The following JMJD1C variants were observed in gnomAD, a reference collection of about 807,000 sequenced individuals.
JMJD1C encodes the protein jumonji domain containing 1C.
In JMJD1C, 31 loss-of-function variants were observed where a neutral mutation model predicts 245.3. That is an observed-to-expected ratio of 0.13 (90% CI 0.09 to 0.17). The LOEUF is 0.17. Ranked by LOEUF, JMJD1C falls within the 10% of genes least tolerant of loss-of-function variation. The pLI is 1.00. For missense variants in JMJD1C, 2,691 were observed against 3,000.2 expected (o/e 0.90, Z 2.41); for synonymous variants, 1,057 against 1,017.4 (o/e 1.04, Z -0.74).
chr10:63,176,490 A>C lies in JMJD1C; in HGVS notation c.7225-17T>G. ...TTTTGAAATCTGAAATATGAATTAAAATAGACACTCCAATTTAAGTAAGGA... is the reference window on the plus strand; with the variant it reads ...TTTTGAAATCTGAAATATGAATTAACATAGACACTCCAATTTAAGTAAGGA... On this transcript the variant is annotated splice_polypyrimidine_tract_variant and intron_variant, in intron 23 of 25. Coordinates refer to ENST00000399262, the MANE Select transcript of JMJD1C (RefSeq NM_032776.3). 1.9e-6 allele frequency: 3 copies of C among 1,585,442 alleles called. No individual in the cohort carries two copies. Among genetic ancestry groups the C allele is most frequent in the Non-Finnish European group, 2.6e-6 (3 of 1,157,394 alleles).
At chr10:63,178,513 T>A (rs1843077421) in intron 22 of JMJD1C, among the ~76,000 whole-genome samples, 1 of 152,188 alleles carries the variant, frequency 6.6e-6, no homozygotes, top group Non-Finnish European at 1.5e-5. Context: ...AGTTGGCCCC[T>A]ATACTTACTT....
intron 10 of JMJD1C, 41 bp downstream of exon 10, chr10:63,206,554 C>CT: frequency 6.8e-7 from 1 of 1,474,670 alleles, no homozygotes; most frequent in Middle Eastern, 1.9e-4. Context: ...CTAAAACATT[C>CT]AGCCCATTTT....
intron 2 of JMJD1C, among the ~76,000 whole-genome samples, chr10:63,298,230 C>T (rs887447486): frequency 3.3e-5 from 5 of 152,148 alleles, no homozygotes; most frequent in East Asian, 1.9e-4. Context: ...TAGTGTGAGC[C>T]GAGTTCAGCC....
At chr10:63,420,780 T>C (rs188072887) in intron 1 of JMJD1C, among the ~76,000 whole-genome samples, 22 of 144,056 alleles carry the variant, frequency 1.5e-4, no homozygotes, top group Admixed American at 8.3e-4. Context: ...CTGACAAAAT[T>C]AGAAAGAGAA....
At chr10:63,490,823 A>G (rs1342031730) in intron 1 of JMJD1C, among the ~76,000 whole-genome samples, 5 of 152,210 alleles carry the variant, frequency 3.3e-5, no homozygotes, top group African/African-American at 1.2e-4. Flanking sequence ...TTAATCACCA[A>G]CTTCCAATAT....
chr10:63,367,773 T>G (rs543550400), intron 2 of JMJD1C, among the ~76,000 whole-genome samples: 1 of 152,268 alleles, frequency 6.6e-6, no homozygotes, highest in South Asian at 2.1e-4. Flanking sequence ...ACAAATCTGT[T>G]GGTGAAGTCC....
chr10:63,490,305 T>C (rs749222497), intron 1 of JMJD1C, among the ~76,000 whole-genome samples: 1 of 152,196 alleles, frequency 6.6e-6, no homozygotes, highest in Non-Finnish European at 1.5e-5. Flanking sequence ...CACCTCTTCA[T>C]GAAGCCCTTC....
At chr10:63,284,991 C>T (rs929410671) in intron 2 of JMJD1C, among the ~76,000 whole-genome samples, 70 of 152,042 alleles carry the variant, frequency 4.6e-4, no homozygotes, top group African/African-American at 1.7e-3. Flanking sequence ...GCTTGCACAT[C>T]TTTGGGATTT....
intron 1 of JMJD1C, among the ~76,000 whole-genome samples, chr10:63,441,232 A>C (rs1256685725): frequency 6.6e-6 from 1 of 152,168 alleles, no homozygotes. Flanking sequence ...ACAGTCACTT[A>C]ATTCTGTAAC....
At chr10:63,473,252 AC>A (rs1399713201) in intron 1 of JMJD1C, among the ~76,000 whole-genome samples, 1 of 143,978 alleles carries the variant, frequency 6.9e-6, no homozygotes, top group Non-Finnish European at 1.5e-5. Flanking sequence ...GGTTAAAAAA[AC>A]TTTTTTTTTT....
rs1389088271 is a variant in JMJD1C, at chr10:63,454,435, G to GT, written c.168+11059dup. 2.0e-5 allele frequency among the ~76,000 whole-genome samples: 3 copies of GT among 150,884 alleles called. No individual in the cohort carries two copies. In the East Asian group the frequency reaches 5.9e-4, roughly 30 times the overall value. On this transcript the variant is annotated intron_variant, in intron 1 of 25. Transcript: ENST00000399262. ...ACCACACCCAGCTAATTTTTTTGTT[G>GT]TTTTTTGAAATGGAATCTCACTCTG...
At chr10:63,459,295 G>A (rs1290631924) in intron 1 of JMJD1C, among the ~76,000 whole-genome samples, 1 of 152,144 alleles carries the variant, frequency 6.6e-6, no homozygotes, top group Non-Finnish European at 1.5e-5. Flanking sequence ...TTGAATTTCA[G>A]AATTGCAGAT....
At chr10:63,206,536 T>C in intron 10 of JMJD1C, 59 bp downstream of exon 10, 1 of 1,333,596 alleles carries the variant, frequency 7.5e-7, no homozygotes, top group Non-Finnish European at 1.0e-6. Flanking sequence ...AGCAGCACAC[T>C]AGTATAGCTA....
intron 8 of JMJD1C, among the ~76,000 whole-genome samples, chr10:63,209,581 T>C (rs1847080346): frequency 6.6e-6 from 1 of 152,202 alleles, no homozygotes; most frequent in South Asian, 2.1e-4. Context: ...AGTATATTGC[T>C]AACAGTAAAA....
chr10:63,177,653 T>A (rs1842977516), intron 23 of JMJD1C, 64 bp downstream of exon 23: 1 of 1,527,970 alleles, frequency 6.5e-7, no homozygotes, highest in African/African-American at 1.4e-5. Flanking sequence ...CAAGTGAAGG[T>A]ACGGCAACAA....
At position 63,380,437 on chromosome 10, in the gene JMJD1C, C is replaced by T. The variant is rs1432135800; in HGVS notation, c.214G>A (p.Val72Ile). ...DDLEWDKREW[V>I]KVYEDFSTFL... ...GTTGAAAAATCTTCATAAACTTTAA[C>T]CCACTCTCGTTTATCCCATTCAAGA... Residue 72 changes from valine to isoleucine, a missense_variant, in exon 2 of 26, where the codon GTT (valine) becomes ATT (isoleucine). Coordinates refer to ENST00000399262, the MANE Select transcript of JMJD1C (RefSeq NM_032776.3). 2 of 1,613,894 alleles carry T rather than the reference C, an allele frequency of 1.2e-6. No homozygotes were observed. The highest frequency in any genetic ancestry group is 2.2e-5 in the South Asian group (2 of 91,072).
chr10:63,170,786 T>C (rs977033003), intron 24 of JMJD1C, among the ~76,000 whole-genome samples: 3 of 152,216 alleles, frequency 2.0e-5, no homozygotes, highest in Non-Finnish European at 2.9e-5. Flanking sequence ...AGGGTTACTT[T>C]GAAGAGCCAA....
chr10:63,256,552 C>T (rs1278115308), intron 3 of JMJD1C, among the ~76,000 whole-genome samples: 2 of 152,140 alleles, frequency 1.3e-5, no homozygotes, highest in Admixed American at 6.5e-5. Flanking sequence ...ATCCTACTAT[C>T]GAGGCTTCAG....
chr10:63,169,364 G>A (rs1842138592), intron 24 of JMJD1C, among the ~76,000 whole-genome samples: 1 of 152,188 alleles, frequency 6.6e-6, no homozygotes, highest in East Asian at 1.9e-4. Context: ...TCCAATCTGG[G>A]ATTTGTGGTG....
Sources: allele counts gnomAD v4.1 joint callset (sites outside exome capture counted in the v4.1 genomes callset), GRCh38; gene constraint gnomAD v4.1.1; transcripts MANE v1.5; gene names NCBI Gene and HGNC (gene_info 2026-07-23, HGNC 2026-07-21).